Variants in ROBO2 observed in about 807,000 individuals in gnomAD.
ROBO2 encodes roundabout homolog 2.
In ROBO2, 53 loss-of-function variants were observed where a neutral mutation model predicts 160.8. That is an observed-to-expected ratio of 0.33 (90% CI 0.26 to 0.41). The LOEUF is 0.41. Among genes scored for constraint, ROBO2 ranks in the 10% least tolerant of loss-of-function variants. The pLI is 1.00. For missense variants in ROBO2, 1,577 were observed against 1,722.4 expected, an observed-to-expected ratio of 0.92 and a Z score of 1.49; for synonymous variants, 664 against 611.7, an observed-to-expected ratio of 1.09 and a Z score of -1.26.
At chr3:76,618,275 T>C (rs1188534679) in intron 2 of ROBO2, among the ~76,000 whole-genome samples, 1 of 151,636 alleles carries the variant, frequency 6.6e-6, no homozygotes, top group Admixed American at 6.6e-5. Context: ...TAAATGCCCA[T>C]TACATAGAGA....
chr3:77,544,139 G>C (rs1582843569), intron 6 of ROBO2, among the ~76,000 whole-genome samples: 2 of 148,310 alleles, frequency 1.3e-5, no homozygotes, highest in Non-Finnish European at 3.0e-5. Context: ...ACAAATACCT[G>C]GTGGTTTCAC....
intron 2 of ROBO2, among the ~76,000 whole-genome samples, chr3:76,088,686 A>G (rs2069111448): frequency 6.6e-6 from 1 of 152,102 alleles, no homozygotes; most frequent in Non-Finnish European, 1.5e-5. Context: ...AAGAAAATAC[A>G]GTTTATCAAA....
intron 2 of ROBO2, among the ~76,000 whole-genome samples, chr3:76,014,394 A>G (rs527363146): frequency 1.3e-5 from 2 of 152,106 alleles, no homozygotes; most frequent in African/African-American, 4.8e-5. Context: ...AGTAATCTGT[A>G]TAAAGGCAAT....
chr3:77,239,577 G>C (rs1382736714), intron 2 of ROBO2, among the ~76,000 whole-genome samples: 1 of 152,180 alleles, frequency 6.6e-6, no homozygotes, highest in Non-Finnish European at 1.5e-5. Flanking sequence ...CCCACATCTT[G>C]CTGACTGGCC....
chr3:77,064,604 A>G (rs557781101), intron 1 of ROBO2, among the ~76,000 whole-genome samples: 41 of 152,076 alleles, frequency 2.7e-4, no homozygotes, highest in Non-Finnish European at 5.4e-4. Flanking sequence ...CAAATGATCT[A>G]CACTCCTTGG....
intron 2 of ROBO2, among the ~76,000 whole-genome samples, chr3:75,938,642 A>C (rs1488529567): frequency 6.6e-6 from 1 of 152,140 alleles, no homozygotes; most frequent in Admixed American, 6.6e-5. Context: ...AGTATCTAAT[A>C]AAGTTTAACA....
intron 2 of ROBO2, among the ~76,000 whole-genome samples, chr3:77,130,156 C>T (rs1290656387): frequency 2.0e-5 from 3 of 152,138 alleles, no homozygotes; most frequent in Non-Finnish European, 4.4e-5. Flanking sequence ...AGAGGGTCAG[C>T]TTCCATGATG....
intron 6 of ROBO2, among the ~76,000 whole-genome samples, chr3:77,525,164 A>G (rs902163141): frequency 6.6e-6 from 1 of 150,810 alleles, no homozygotes; most frequent in African/African-American, 2.4e-5. Context: ...CCAAGAGGCC[A>G]TGCCCATTTT....
intron 2 of ROBO2, among the ~76,000 whole-genome samples, chr3:76,941,776 A>T (rs2078205516): frequency 1.3e-5 from 2 of 152,204 alleles, no homozygotes; most frequent in Admixed American, 1.3e-4. Context: ...CTAGAGCACC[A>T]GAACTTGATC....
intron 1 of ROBO2, among the ~76,000 whole-genome samples, chr3:77,080,070 C>A (rs779941910): frequency 6.6e-6 from 1 of 152,130 alleles, no homozygotes; most frequent in African/African-American, 2.4e-5. Flanking sequence ...CAAATGAGCA[C>A]GTTTTACTTT....
intron 2 of ROBO2, among the ~76,000 whole-genome samples, chr3:76,602,495 A>G (rs951979980): frequency 3.3e-5 from 5 of 152,226 alleles, no homozygotes. Flanking sequence ...AGGCCTCACA[A>G]TCATGGTGGA....
chr3:77,131,866 A>T (rs1002230632), intron 2 of ROBO2, among the ~76,000 whole-genome samples: 1 of 152,252 alleles, frequency 6.6e-6, no homozygotes, highest in African/African-American at 2.4e-5. Flanking sequence ...TAATTAAATT[A>T]ATTGGAAGAA....
At position 75,914,815 on chromosome 3, in the gene ROBO2, G is replaced by T. The variant is rs111244966; in HGVS notation, c.-14+7855G>T. On this transcript the variant is annotated intron_variant, in intron 1 of 26. Coordinates refer to the ROBO2 transcript ENST00000487694. Reference sequence around the variant, plus strand: ...ATGGTCCTTTCCTGCTGTTAAGGAAGCCTCTTCTCCTCCAGCCATGCTATT... The same window carrying T: ...ATGGTCCTTTCCTGCTGTTAAGGAATCCTCTTCTCCTCCAGCCATGCTATT... Among the ~76,000 whole-genome samples the T allele has an allele frequency of 3.3e-3, 508 of 152,276 alleles. 1 individual carries two copies. The highest frequency in any genetic ancestry group is 0.012 in the African/African-American group (496 of 41,564).
At chr3:76,022,827 C>A (rs62267214) in intron 2 of ROBO2, among the ~76,000 whole-genome samples, 35,743 of 151,512 alleles carry the variant, frequency 0.24, 5,129 homozygotes, top group East Asian at 0.36. Flanking sequence ...AAGAGTGTCA[C>A]CCTGTCCTTT....
At chr3:76,053,728 A>C (rs1176498856) in intron 2 of ROBO2, among the ~76,000 whole-genome samples, 2 of 152,000 alleles carry the variant, frequency 1.3e-5, no homozygotes, top group Non-Finnish European at 2.9e-5. Flanking sequence ...AACTTCTTCC[A>C]CCCATCTTTT....
chr3:76,762,296 A>T (rs1377919960), intron 2 of ROBO2, among the ~76,000 whole-genome samples: 1 of 151,694 alleles, frequency 6.6e-6, no homozygotes, highest in East Asian at 2.0e-4. Flanking sequence ...ACGACTTAAA[A>T]ATAAAGATTT....
rs139510133 is a variant in ROBO2, at chr3:76,999,520, A to G, written c.110-98494A>G. Among the ~76,000 whole-genome samples, 246 of 152,270 alleles carry G rather than the reference A, an allele frequency of 1.6e-3. 1 individual carries two copies. Among genetic ancestry groups the G allele is most frequent in the African/African-American group, 5.5e-3 (230 of 41,572 alleles). ...TTTTGGTGTAGGACTCCTTGTTAAA[A>G]TAACATTACACAGTTTAGAAATGTC... On this transcript the variant is annotated intron_variant, in intron 2 of 26. Transcript: ENST00000487694.
chr3:77,080,443 G>A (rs370509194), intron 1 of ROBO2, among the ~76,000 whole-genome samples: 6 of 152,124 alleles, frequency 3.9e-5, no homozygotes, highest in Non-Finnish European at 8.8e-5. Context: ...TGTGTTGTTC[G>A]TACCAAGGGC....
intron 2 of ROBO2, among the ~76,000 whole-genome samples, chr3:76,868,109 C>T (rs1166971): frequency 0.1 from 15,700 of 152,102 alleles, 892 homozygotes; most frequent in South Asian, 0.12. Context: ...AGGCAATGGG[C>T]ATCTATTTTC....
Sources: allele counts gnomAD v4.1 joint callset (sites outside exome capture counted in the v4.1 genomes callset), GRCh38; gene constraint gnomAD v4.1.1; transcripts MANE v1.5; gene names NCBI Gene and HGNC (gene_info 2026-07-23, HGNC 2026-07-21).